SHANK2: variants seen among roughly 807,000 people sequenced by gnomAD.
The protein encoded by SHANK2 is SH3 and multiple ankyrin repeat domains 2.
SHANK2 carries 43 observed loss-of-function variants against 133.7 expected under a neutral mutation model. The ratio of observed to expected loss-of-function variants is 0.32; its 90% CI spans 0.25 to 0.41. SHANK2 has a LOEUF of 0.41. SHANK2 is among the 10% of genes least tolerant of loss of function. SHANK2 has a pLI of 1.00. For missense variants in SHANK2, 1,994 were observed against 2,235.8 expected (o/e 0.89, Z 2.18); for synonymous variants, 1,017 against 952.8 (o/e 1.07, Z -1.24).
At chr11:70,841,706 C>A (rs781821029) in intron 11 of SHANK2, among the ~76,000 whole-genome samples, 1 of 152,194 alleles carries the variant, frequency 6.6e-6, no homozygotes. Flanking sequence ...ACTGCAGAAT[C>A]GGGGTGAGTC....
rs373919469 is a variant in SHANK2, at chr11:70,896,489, G to A, written c.1174+12C>T. On this transcript the variant is annotated intron_variant, in intron 11 of 25. Transcript: ENST00000601538. ...CCAAATCCCAACACAGTTTCTCCAC[G>A]TGCCTACTCACCAATGTCTGTTTCC... 3.6e-5 allele frequency: 26 copies of A among 713,654 alleles called. No homozygotes were observed. The highest frequency in any genetic ancestry group is 6.6e-5 in the Non-Finnish European group (25 of 381,450). The allele number at this position is 713,654 out of a possible 1,614,324, so 44.2% of individuals were successfully genotyped here. A position where few individuals can be genotyped will look rare whatever the true frequency, so the allele number is the denominator to read the frequency against.
intron 3 of SHANK2, among the ~76,000 whole-genome samples, chr11:71,135,493 T>G (rs1209592720): frequency 3.3e-5 from 5 of 150,492 alleles, no homozygotes; most frequent in Non-Finnish European, 7.4e-5. Flanking sequence ...TTTTTTTTTT[T>G]TTTTTTTTTT....
At chr11:70,886,184 C>A (rs1207729412) in intron 11 of SHANK2, among the ~76,000 whole-genome samples, 1 of 152,200 alleles carries the variant, frequency 6.6e-6, no homozygotes, top group African/African-American at 2.4e-5. Context: ...TCAGTCCCAA[C>A]AGACAGGTCA....
intron 17 of SHANK2, among the ~76,000 whole-genome samples, chr11:70,611,394 C>T (rs911020500): frequency 3.3e-5 from 5 of 152,186 alleles, no homozygotes; most frequent in Admixed American, 1.3e-4. Flanking sequence ...CTCAACTCAT[C>T]GTCACTCCAG....
At chr11:70,624,532 CAAAAAAAAAA>C (rs71049929) in intron 17 of SHANK2, among the ~76,000 whole-genome samples, 1 of 138,266 alleles carries the variant, frequency 7.2e-6, no homozygotes, top group South Asian at 2.3e-4. Context: ...CAACCTTCTT[CAAAAAAAAAA>C]AAAAGAAAAA....
intron 10 of SHANK2, among the ~76,000 whole-genome samples, chr11:70,945,700 G>C (rs1241652539): frequency 1.3e-5 from 2 of 152,184 alleles, no homozygotes; most frequent in Admixed American, 1.3e-4. Flanking sequence ...GCTTTGCTTA[G>C]AGAGACAACA....
At chr11:71,153,017 A>G (rs1952826646) in intron 2 of SHANK2, among the ~76,000 whole-genome samples, 1 of 152,210 alleles carries the variant, frequency 6.6e-6, no homozygotes, top group East Asian at 1.9e-4. Context: ...CTTATACTAA[A>G]AAACTCTCTG....
intron 15 of SHANK2, among the ~76,000 whole-genome samples, chr11:70,671,438 G>C (rs1169576846): frequency 6.6e-6 from 1 of 152,172 alleles, no homozygotes; most frequent in Non-Finnish European, 1.5e-5. Context: ...CCACAGCCTG[G>C]AGACCACAGT....
chr11:71,060,469 C>T (rs893804539), intron 9 of SHANK2, among the ~76,000 whole-genome samples: 6 of 152,224 alleles, frequency 3.9e-5, no homozygotes, highest in Non-Finnish European at 7.3e-5. Flanking sequence ...CAAGGGGGGA[C>T]GCCAAGCCCT....
intron 14 of SHANK2, among the ~76,000 whole-genome samples, chr11:70,703,405 T>C (rs1288975405): frequency 1.3e-5 from 2 of 152,198 alleles, no homozygotes; most frequent in Non-Finnish European, 2.9e-5. Context: ...TGCCACATCC[T>C]GTGGAGGTGC....
chr11:70,647,209 C>G (rs114697977), intron 17 of SHANK2: 1 of 152,148 alleles, frequency 6.6e-6, no homozygotes, highest in African/African-American at 2.4e-5. Context: ...CTTTTGGTAG[C>G]CCCAACTTTT....
chr11:70,804,383 C>A lies in SHANK2; in HGVS notation c.1663+2619G>T, dbSNP rs1308993202. ...ACTGGCAGCAGGAAGGGGCTCCGTG[C>A]CAATTGTGTGCAAATGGCCTGCGCG... On this transcript the variant is annotated intron_variant, in intron 13 of 25. Transcript: ENST00000601538. This position sits in a 1 kb window ranked among gnomAD's most constrained non-coding sequence, Gnocchi z 4.1. 6.6e-6 allele frequency among the ~76,000 whole-genome samples: 1 copy of A among 152,172 alleles called. No homozygotes were observed. Among genetic ancestry groups the A allele is most frequent in the Non-Finnish European group, 1.5e-5 (1 of 68,028 alleles).
intron 14 of SHANK2, among the ~76,000 whole-genome samples, chr11:70,723,725 G>A (rs1439034464): frequency 1.3e-5 from 2 of 152,136 alleles, no homozygotes; most frequent in African/African-American, 4.8e-5. Context: ...ATGCCATATA[G>A]CCTTACTTGG....
intron 1 of SHANK2, among the ~76,000 whole-genome samples, chr11:71,246,488 C>T (rs935598746): frequency 1.3e-4 from 20 of 152,206 alleles, no homozygotes; most frequent in Non-Finnish European, 2.9e-4. Context: ...AGTATCATCA[C>T]TGTCCCCAGG....
rs375129006 is a variant in SHANK2, at chr11:71,124,903, T to C, written c.208-5871A>G. Among the ~76,000 whole-genome samples the C allele has an allele frequency of 3.0e-4, 45 of 152,352 alleles. 1 individual carries two copies. The highest frequency in any genetic ancestry group is 2.5e-3 in the East Asian group (13 of 5,190). On this transcript the variant is annotated intron_variant, in intron 3 of 25. Transcript: ENST00000601538. Reference sequence around the variant, plus strand: ...TCTCCAACAGCACACGCTCACTTCATATCTCTGTGTCACATATGAGTAATT... The same window carrying C: ...TCTCCAACAGCACACGCTCACTTCACATCTCTGTGTCACATATGAGTAATT...
chr11:71,168,400 G>T (rs1953231806), intron 2 of SHANK2, among the ~76,000 whole-genome samples: 1 of 151,366 alleles, frequency 6.6e-6, no homozygotes, highest in South Asian at 2.1e-4. Context: ...GGGCAGAGAC[G>T]CTCCTCACTT....
chr11:70,820,570 G>C lies in SHANK2; in HGVS notation c.1287C>G (p.Ser429Arg). The C allele has an allele frequency of 1.4e-6, 1 of 716,930 alleles. No homozygotes were observed. The highest frequency in any genetic ancestry group is 2.6e-6 in the Non-Finnish European group (1 of 384,740). 44.4% of individuals were successfully genotyped at this position (716,930 alleles called of 1,614,324 possible). A position where few individuals can be genotyped will look rare whatever the true frequency, so the allele number is the denominator to read the frequency against. ...RSNSDNNLNASAPDWAVCSTA... is the reference protein window; with the variant it reads ...RSNSDNNLNARAPDWAVCSTA... The stretch of plus-strand genomic sequence containing the variant: ...TGGAGCAGACGGCCCAGTCGGGAGC[G>C]CTGGCATTGAGGTTGTTGTCACTGT... The change falls in exon 12 of 26, where the codon AGC becomes AGG. Residue 429 changes from serine (S) to arginine (R), a missense_variant. Around this residue, in one of 5 missense-constraint regions of SHANK2, gnomAD observed 653 missense variants for 563.4 expected, o/e 1.16. Transcript: ENST00000601538.
chr11:70,738,426 G>A (rs1260032439), intron 14 of SHANK2, among the ~76,000 whole-genome samples: 4 of 152,226 alleles, frequency 2.6e-5, no homozygotes, highest in African/African-American at 4.8e-5. Flanking sequence ...CAAGTTGGAC[G>A]CCCAAGGCTC....
intron 14 of SHANK2, among the ~76,000 whole-genome samples, chr11:70,775,155 C>G (rs782649632): frequency 6.6e-6 from 1 of 151,960 alleles, no homozygotes; most frequent in African/African-American, 2.4e-5. Flanking sequence ...GCAATCCTGT[C>G]TCTTAAAAAG....
Sources: gnomAD v4.1 joint callset for allele counts (sites outside exome capture counted in the v4.1 genomes callset) on GRCh38, gnomAD v4.1.1 for gene constraint, gnomAD v4.1.1 regional missense constraint, Gnocchi (gnomAD v3.1) non-coding constraint, MANE v1.5 for transcripts, NCBI Gene and HGNC (gene_info 2026-07-23, HGNC 2026-07-21) for gene names.